Variants in CDH19 observed in about 807,000 individuals in gnomAD.
The protein encoded by CDH19 is cadherin-19.
Under a neutral mutation model 64.2 loss-of-function variants are expected in CDH19, and 67 were observed. The ratio of observed to expected loss-of-function variants is 1.04; its 90% confidence interval spans 0.86 to 1.28. The LOEUF (loss-of-function observed/expected upper bound fraction) is 1.28, where lower values mean the gene tolerates loss of function less well. Ranked by LOEUF, CDH19 falls within the 50% of genes most tolerant of loss-of-function variation. The pLI is 0.00. For synonymous variants in CDH19, 346 were observed against 319.3 expected (o/e 1.08, Z -0.89); for missense variants, 1,030 against 929.0 (o/e 1.11, Z -1.41).
intron 1 of CDH19, among the ~76,000 whole-genome samples, chr18:66,595,000 T>TATA (rs1289010530): frequency 1.8e-4 from 26 of 148,464 alleles, no homozygotes; most frequent in African/African-American, 6.1e-4. Flanking sequence ...AAACTTAAAG[T>TATA]ATAATAATAA....
intron 9 of CDH19, among the ~76,000 whole-genome samples, chr18:66,512,338 T>C (rs1335965133): frequency 1.3e-5 from 2 of 151,544 alleles, no homozygotes; most frequent in South Asian, 4.1e-4. Context: ...TTTCAAGACA[T>C]GAATCTGTCA....
chr18:66,563,393 T>A (rs1447363152), intron 3 of CDH19, among the ~76,000 whole-genome samples: 1 of 152,054 alleles, frequency 6.6e-6, no homozygotes, highest in African/African-American at 2.4e-5. Flanking sequence ...GAAAAGCTAT[T>A]TTTACATCCA....
chr18:66,601,611 T>C (rs1989038790), intron 1 of CDH19, among the ~76,000 whole-genome samples: 1 of 151,984 alleles, frequency 6.6e-6, no homozygotes, highest in Admixed American at 6.6e-5. Context: ...ATTCTGAATA[T>C]AATTATTGAG....
chr18:66,512,244 A>G lies in CDH19; in HGVS notation c.1459-559T>C, dbSNP rs1985526418. Among the ~76,000 whole-genome samples, 3 of 151,596 alleles carry G rather than the reference A, an allele frequency of 2.0e-5. No individual in the cohort carries two copies. The South Asian group carries it at 6.2e-4, about 31-fold the overall frequency. ...TGATTATAGGAAAGTGTTTTACATCAAATAAGTTCATCTCTATATCTCAGA... is the reference window on the plus strand; with the variant it reads ...TGATTATAGGAAAGTGTTTTACATCGAATAAGTTCATCTCTATATCTCAGA... On this transcript the variant is annotated intron_variant, in intron 9 of 11. Transcript: ENST00000262150.
intron 9 of CDH19, among the ~76,000 whole-genome samples, chr18:66,522,191 G>A (rs1389153348): frequency 6.7e-6 from 1 of 150,022 alleles, no homozygotes; most frequent in Admixed American, 6.7e-5. Flanking sequence ...CTCCTGATCC[G>A]CCCGCCTCAG....
chr18:66,568,201 T>G (rs1047256737), intron 3 of CDH19, among the ~76,000 whole-genome samples: 2 of 151,834 alleles, frequency 1.3e-5, no homozygotes, highest in Non-Finnish European at 2.9e-5. Flanking sequence ...CTTTTATTCC[T>G]GTGAAGGCTG....
At position 66,503,717 on chromosome 18, in the gene CDH19, G is replaced by T. The variant is rs1018505346; in HGVS notation, c.*1095C>A. ...ATATTTTCCTTTTTAATACAAAGTTGTAATATCAAAAATAATACAAATTTA... is the reference window on the plus strand; with the variant it reads ...ATATTTTCCTTTTTAATACAAAGTTTTAATATCAAAAATAATACAAATTTA... On this transcript the variant is annotated 3_prime_UTR_variant, in exon 12 of 12. Coordinates refer to ENST00000262150, the MANE Select transcript of CDH19 (RefSeq NM_021153.4). 1.3e-5 allele frequency: 2 copies of T among 151,690 alleles called. No homozygotes were observed. The highest frequency in any genetic ancestry group is 4.8e-5 in the African/African-American group (2 of 41,394). 9.4% of individuals were successfully genotyped at this position (151,690 alleles called of 1,614,324 possible).
At chr18:66,517,838 A>G (rs1985804143) in intron 9 of CDH19, among the ~76,000 whole-genome samples, 1 of 136,202 alleles carries the variant, frequency 7.3e-6, no homozygotes, top group Non-Finnish European at 1.7e-5. Flanking sequence ...TATATCAAAT[A>G]AACATTACTA....
intron 1 of CDH19, among the ~76,000 whole-genome samples, chr18:66,595,197 T>C (rs1988852583): frequency 6.6e-6 from 1 of 151,472 alleles, no homozygotes; most frequent in Non-Finnish European, 1.5e-5. Flanking sequence ...GCTAAAGCAG[T>C]GTTAAGAGGA....
intron 10 of CDH19, among the ~76,000 whole-genome samples, chr18:66,510,322 C>T (rs10164225): frequency 0.29 from 43,345 of 150,712 alleles, 7,321 homozygotes; most frequent in Non-Finnish European, 0.38. Flanking sequence ...TTTAAATATG[C>T]GTTTTATTAA....
chr18:66,509,856 C>T (rs1392658427), intron 10 of CDH19, among the ~76,000 whole-genome samples: 1 of 151,680 alleles, frequency 6.6e-6, no homozygotes, highest in Admixed American at 6.6e-5. Context: ...AGACAAGATC[C>T]TATTAGTATA....
chr18:66,559,617 T>C (rs1486301684), intron 3 of CDH19, among the ~76,000 whole-genome samples: 1 of 151,578 alleles, frequency 6.6e-6, no homozygotes, highest in African/African-American at 2.4e-5. Context: ...ATTAAATTCA[T>C]AAATTTAGCA....
At chr18:66,568,060 A>T (rs923051445) in intron 3 of CDH19, among the ~76,000 whole-genome samples, 6 of 151,842 alleles carry the variant, frequency 4.0e-5, no homozygotes, top group Non-Finnish European at 7.4e-5. Context: ...ATCTTGCAGG[A>T]TTATCTTATT....
chr18:66,555,322 C>T (rs924950210), intron 3 of CDH19, among the ~76,000 whole-genome samples: 4 of 151,604 alleles, frequency 2.6e-5, no homozygotes, highest in African/African-American at 9.7e-5. Flanking sequence ...AATAGCAACA[C>T]GAATGACACA....
At chr18:66,602,182 G>T (rs988543892) in intron 1 of CDH19, among the ~76,000 whole-genome samples, 1 of 151,942 alleles carries the variant, frequency 6.6e-6, no homozygotes, top group Non-Finnish European at 1.5e-5. Flanking sequence ...CTTTTAAACA[G>T]TTTAACACAT....
In CDH19 at chr18:66,558,274, T is replaced by C. The variant is rs1024853453; in HGVS notation, c.491-3750A>G. Among the ~76,000 whole-genome samples the C allele has an allele frequency of 5.3e-5, 8 of 151,372 alleles. No homozygotes were observed. In the Middle Eastern group the frequency reaches 0.014, roughly 259 times the overall value. On this transcript the variant is annotated intron_variant, in intron 3 of 11. Transcript: ENST00000262150. ...TTAATTTTTATTCATGCCTTGGAAA[T>C]GTTGGCTGTAAAATTTAGATGAATC...
chr18:66,522,664 T>TA (rs1986048536), intron 9 of CDH19, among the ~76,000 whole-genome samples: 1 of 150,998 alleles, frequency 6.6e-6, no homozygotes, highest in South Asian at 2.1e-4. Flanking sequence ...TTATATATAT[T>TA]TTTTCTTCTT....
At chr18:66,513,918 A>G (rs1229952080) in intron 9 of CDH19, among the ~76,000 whole-genome samples, 1 of 151,476 alleles carries the variant, frequency 6.6e-6, no homozygotes, top group Non-Finnish European at 1.5e-5. Context: ...AGTACATTCA[A>G]TCATCTATAT....
chr18:66,510,301 A>T (rs1985410825), intron 10 of CDH19, among the ~76,000 whole-genome samples: 1 of 151,598 alleles, frequency 6.6e-6, no homozygotes, highest in East Asian at 1.9e-4. Context: ...GTTGAGAGAC[A>T]GTTGACACTT....
Sources: gnomAD v4.1 joint callset for allele counts (sites outside exome capture counted in the v4.1 genomes callset) on GRCh38, gnomAD v4.1.1 for gene constraint, MANE v1.5 for transcripts, NCBI Gene and HGNC (gene_info 2026-07-23, HGNC 2026-07-21) for gene names.